UPF2: variants seen among roughly 807,000 people sequenced by gnomAD.
UPF2 encodes the protein regulator of nonsense transcripts 2.
A neutral mutation model predicts 141.4 loss-of-function variants in UPF2; 17 were observed. The ratio of observed to expected loss-of-function variants is 0.12; its 90% confidence interval spans 0.08 to 0.18. The LOEUF is 0.18. Among genes scored for constraint, UPF2 ranks in the 10% least tolerant of loss-of-function variants. UPF2 has a pLI of 1.00. For synonymous variants in UPF2, 540 were observed against 498.0 expected (o/e 1.08, Z -1.12); for missense variants, 1,152 against 1,515.9 (o/e 0.76, Z 3.99).
At chr10:12,012,268 GC>G (rs67252983) in intron 4 of UPF2, among the ~76,000 whole-genome samples, 151,782 of 151,912 alleles carry the variant, frequency 1, 75,826 homozygotes, top group Middle Eastern at 1. Context: ...TCACCATGTT[GC>G]GCCAAGCTGT....
At chr10:11,957,796 C>G (rs1407227686) in intron 12 of UPF2, among the ~76,000 whole-genome samples, 1 of 152,122 alleles carries the variant, frequency 6.6e-6, no homozygotes, top group African/African-American at 2.4e-5. Flanking sequence ...GGCTCATAGG[C>G]ATGAGCCACT....
At chr10:12,000,082 T>A in intron 6 of UPF2, 73 bp from the exon 7 acceptor site, 1 of 1,301,516 alleles carries the variant, frequency 7.7e-7, no homozygotes, top group Non-Finnish European at 1.1e-6. Context: ...AATGATGAAT[T>A]ATTTGGAAAA....
At position 11,999,999 on chromosome 10, in the gene UPF2, ATCT is replaced by A; in HGVS notation, c.1662_1664del (p.Glu554del). ...GATGAGATCCAGTGCTGGCTTCCTC[ATCT>A]TCTTGTTCTAATGTAAAATTAGTTT... On this transcript the variant is annotated inframe_deletion, in exon 7 of 22. Transcript: ENST00000357604. The A allele has an allele frequency of 6.2e-7, 1 of 1,604,340 alleles. No homozygotes were observed. Among genetic ancestry groups the A allele is most frequent in the Non-Finnish European group, 8.5e-7 (1 of 1,177,226 alleles).
At chr10:11,977,628 TACTGTCC>T (rs1833527968) in intron 9 of UPF2, among the ~76,000 whole-genome samples, 1 of 152,218 alleles carries the variant, frequency 6.6e-6, no homozygotes, top group African/African-American at 2.4e-5. Context: ...TAATAACTCA[TACTGTCC>T]ACTAGTAAAA....
rs1201962486 is a variant in UPF2 at position 11,935,263 on chromosome 10, T to C, written c.3546+1282A>G. Among the ~76,000 whole-genome samples, 1 of 152,194 alleles carries C rather than the reference T, an allele frequency of 6.6e-6. No individual in the cohort carries two copies. The highest frequency in any genetic ancestry group is 1.9e-4 in the East Asian group (1 of 5,196). Reference sequence around the variant, plus strand: ...AACGTGACTTGGTGTATTTCTCATATGCCTCCCAACACCAGAATGAAAGCT... The same window carrying C: ...AACGTGACTTGGTGTATTTCTCATACGCCTCCCAACACCAGAATGAAAGCT... On this transcript the variant is annotated intron_variant, in intron 19 of 21. Transcript: ENST00000357604. The surrounding 1 kb of genome is among the most constrained non-coding windows in gnomAD (Gnocchi z 4.9).
intron 18 of UPF2, among the ~76,000 whole-genome samples, chr10:11,938,872 T>TTTTTTTTTTG (rs1832898952): frequency 9.4e-6 from 1 of 106,012 alleles, no homozygotes; most frequent in African/African-American, 3.3e-5. Context: ...TTTTTTTTTT[T>TTTTTTTTTTG]TTTTTTTTTT....
rs1337369668 is a variant in UPF2 at position 12,014,702 on chromosome 10, CA to C, written c.1146-519del. ...TACAGAACTAACCAAAAATATTTAA[CA>C]CAACTACACAACTCAGTTTTCAAAA... On this transcript the variant is annotated intron_variant, in intron 3 of 21. Coordinates refer to ENST00000357604, the MANE Select transcript of UPF2 (RefSeq NM_015542.4). This position sits in a 1 kb window ranked among gnomAD's most constrained non-coding sequence, Gnocchi z 5.0. 6.6e-6 allele frequency among the ~76,000 whole-genome samples: 1 copy of C among 152,170 alleles called. No individual in the cohort carries two copies. Among genetic ancestry groups the C allele is most frequent in the African/African-American group, 2.4e-5 (1 of 41,452 alleles).
chr10:11,975,031 CTT>C (rs1227416801), intron 9 of UPF2, among the ~76,000 whole-genome samples: 1 of 152,084 alleles, frequency 6.6e-6, no homozygotes, highest in Admixed American at 6.6e-5. Flanking sequence ...AATAAAGAAA[CTT>C]AATCAAAAAG....
At chr10:11,924,883 A>C (rs1388627002) in intron 21 of UPF2, among the ~76,000 whole-genome samples, 1 of 152,040 alleles carries the variant, frequency 6.6e-6, no homozygotes, top group East Asian at 1.9e-4. Flanking sequence ...GCAATGGCGC[A>C]ATCTTGGCTC....
At chr10:11,938,277 C>T (rs1363948758) in intron 18 of UPF2, among the ~76,000 whole-genome samples, 1 of 151,916 alleles carries the variant, frequency 6.6e-6, no homozygotes, top group African/African-American at 2.4e-5. Context: ...ATTGATATGC[C>T]CTTATTATTT....
In UPF2 at chr10:12,014,613, C is replaced by T. The variant is rs1398190800; in HGVS notation, c.1146-429G>A. On this transcript the variant is annotated intron_variant, in intron 3 of 21. Transcript: ENST00000357604. The surrounding 1 kb of genome is among the most constrained non-coding windows in gnomAD (Gnocchi z 5.0). The stretch of plus-strand genomic sequence containing the variant: ...TTTGAATCAGAAATATCATATTTAA[C>T]AATATATCACAAAATAATCAAAAAT... Among the ~76,000 whole-genome samples, 1 of 152,102 alleles carries T rather than the reference C, an allele frequency of 6.6e-6. No individual in the cohort carries two copies. Among genetic ancestry groups the T allele is most frequent in the Admixed American group, 6.6e-5 (1 of 15,266 alleles).
At chr10:12,029,602 G>A in intron 2 of UPF2, 78 bp from the exon 3 acceptor site, 2 of 1,426,960 alleles carry the variant, frequency 1.4e-6, no homozygotes, top group Non-Finnish European at 1.9e-6. Flanking sequence ...AGAGTAAAAA[G>A]CCAATGAAAA....
intron 5 of UPF2, among the ~76,000 whole-genome samples, chr10:12,002,542 G>C (rs995656544): frequency 6.6e-6 from 1 of 152,148 alleles, no homozygotes; most frequent in Admixed American, 6.5e-5. Flanking sequence ...AAAGGGATCT[G>C]ATGTGAAAAT....
At chr10:11,971,404 G>A (rs1316337508) in intron 9 of UPF2, among the ~76,000 whole-genome samples, 8 of 152,032 alleles carry the variant, frequency 5.3e-5, no homozygotes, top group African/African-American at 1.2e-4. Flanking sequence ...AAAGGCATAC[G>A]CCACCATGCC....
intron 3 of UPF2, among the ~76,000 whole-genome samples, chr10:12,025,730 C>A (rs1403068029): frequency 1.3e-5 from 2 of 152,118 alleles, no homozygotes. Flanking sequence ...AAATTTTTAT[C>A]AATGACTTGA....
At chr10:11,990,740 G>A (rs2131248985) in intron 8 of UPF2, among the ~76,000 whole-genome samples, 1 of 148,980 alleles carries the variant, frequency 6.7e-6, no homozygotes, top group African/African-American at 2.5e-5. Flanking sequence ...TGTAATCTCA[G>A]CACTTCGGGA....
At chr10:11,975,840 A>T (rs1833499285) in intron 9 of UPF2, among the ~76,000 whole-genome samples, 1 of 152,192 alleles carries the variant, frequency 6.6e-6, no homozygotes, top group Non-Finnish European at 1.5e-5. Flanking sequence ...TGTAAACATC[A>T]ATTCAAATGG....
At chr10:12,006,975 C>A (rs555249181) in intron 4 of UPF2, among the ~76,000 whole-genome samples, 3 of 152,282 alleles carry the variant, frequency 2.0e-5, no homozygotes, top group South Asian at 2.1e-4. Flanking sequence ...GCAGAGTCCT[C>A]GCCAGACACC....
rs1833563865 is a variant in UPF2, at chr10:11,979,807, A to C, written c.1845-642T>G. Among the ~76,000 whole-genome samples the C allele has an allele frequency of 6.6e-6, 1 of 152,168 alleles. No individual in the cohort carries two copies. On this transcript the variant is annotated intron_variant, in intron 8 of 21. Coordinates refer to ENST00000357604, the MANE Select transcript of UPF2 (RefSeq NM_015542.4). This position sits in a 1 kb window ranked among gnomAD's most constrained non-coding sequence, Gnocchi z 6.2. ...GTAGTCACAGCTACTCGGGAGGCTA[A>C]GGCAGGAGAATTGCTTGAACCCAGG...
Sources: gnomAD v4.1 joint callset for allele counts (sites outside exome capture counted in the v4.1 genomes callset) on GRCh38, gnomAD v4.1.1 for gene constraint, Gnocchi (gnomAD v3.1) non-coding constraint, MANE v1.5 for transcripts, NCBI Gene and HGNC (gene_info 2026-07-23, HGNC 2026-07-21) for gene names.